The following CPPED1 variants were observed in gnomAD, a reference collection of about 807,000 sequenced individuals.
CPPED1 encodes the protein calcineurin like phosphoesterase domain containing 1.
In CPPED1, 28 loss-of-function variants were observed where a neutral mutation model predicts 28.0. The ratio of observed to expected loss-of-function variants is 1.00; its 90% CI spans 0.74 to 1.37. CPPED1 has a LOEUF of 1.37. Among genes scored for constraint, CPPED1 ranks in the 40% most tolerant of loss-of-function variants. The pLI, the probability that CPPED1 is intolerant of heterozygous loss-of-function variation, is 0.00. For synonymous variants in CPPED1, 198 were observed against 180.2 expected (o/e 1.10, Z -0.79); for missense variants, 504 against 416.5 (o/e 1.21, Z -1.83).
At chr16:12,775,699 T>C (rs2080493803) in intron 2 of CPPED1, among the ~76,000 whole-genome samples, 1 of 152,200 alleles carries the variant, frequency 6.6e-6, no homozygotes, top group Non-Finnish European at 1.5e-5. Flanking sequence ...GGGCACCACC[T>C]TCTGTCTGAC....
At chr16:12,796,835 T>C (rs2080630554) in intron 1 of CPPED1, among the ~76,000 whole-genome samples, 1 of 151,942 alleles carries the variant, frequency 6.6e-6, no homozygotes, top group Non-Finnish European at 1.5e-5. Flanking sequence ...GAAATGTCCA[T>C]CAGTGTCAAA....
At chr16:12,785,612 G>A (rs2080558192) in intron 1 of CPPED1, among the ~76,000 whole-genome samples, 2 of 152,088 alleles carry the variant, frequency 1.3e-5, no homozygotes, top group African/African-American at 4.8e-5. Flanking sequence ...AGTTTTAGTA[G>A]AGACGGGGTT....
intron 3 of CPPED1, among the ~76,000 whole-genome samples, chr16:12,695,041 G>C (rs753132926): frequency 1.6e-4 from 25 of 152,124 alleles, no homozygotes; most frequent in Admixed American, 3.3e-4. Flanking sequence ...CCCTCCCAAA[G>C]GACTGGTATT....
At chr16:12,754,797 G>A (rs1171725605) in intron 2 of CPPED1, among the ~76,000 whole-genome samples, 1 of 152,242 alleles carries the variant, frequency 6.6e-6, no homozygotes, top group Non-Finnish European at 1.5e-5. Context: ...CCAGGAGTTC[G>A]AGACCAGCCT....
chr16:12,731,667 GAGA>G lies in CPPED1; in HGVS notation c.290-26621_290-26619del, dbSNP rs201864135. On this transcript the variant is annotated intron_variant, in intron 2 of 3. Coordinates refer to ENST00000381774, the MANE Select transcript of CPPED1 (RefSeq NM_018340.3). Reference sequence around the variant, plus strand: ...TCACGCGATGGTGAAGGCCGTGGGCGAGAAGGCCTCCCTCCCCCGCATTTGTCA... The same window carrying G: ...TCACGCGATGGTGAAGGCCGTGGGCGAGGCCTCCCTCCCCCGCATTTGTCA... Among the ~76,000 whole-genome samples the G allele has an allele frequency of 6.9e-3, 1,047 of 151,566 alleles. 5 individuals carry two copies. Among genetic ancestry groups the G allele is most frequent in the Middle Eastern group, 0.034 (10 of 290 alleles).
chr16:12,677,167 C>G (rs905024708), intron 3 of CPPED1, among the ~76,000 whole-genome samples: 6 of 152,342 alleles, frequency 3.9e-5, no homozygotes, highest in African/African-American at 1.4e-4. Context: ...TTCTGACACC[C>G]AACATCAAGA....
intron 3 of CPPED1, among the ~76,000 whole-genome samples, chr16:12,669,452 T>A (rs1425713068): frequency 6.6e-6 from 1 of 152,156 alleles, no homozygotes; most frequent in African/African-American, 2.4e-5. Context: ...CTAAATTTGA[T>A]ACTTCAAAAG....
intron 2 of CPPED1, among the ~76,000 whole-genome samples, chr16:12,743,473 A>T (rs879739667): frequency 1.3e-5 from 2 of 152,230 alleles, no homozygotes; most frequent in Non-Finnish European, 1.5e-5. Flanking sequence ...GAAAATGGAC[A>T]AAGTGGACTA....
chr16:12,780,869 G>C, intron 2 of CPPED1: 1 of 302,966 alleles, frequency 3.3e-6, no homozygotes, highest in Non-Finnish European at 6.2e-6. Flanking sequence ...TATGGATATA[G>C]TGTCTGGAAG....
chr16:12,692,556 T>G (rs1032432377), intron 3 of CPPED1, among the ~76,000 whole-genome samples: 1 of 152,232 alleles, frequency 6.6e-6, no homozygotes, highest in African/African-American at 2.4e-5. Flanking sequence ...CATAGCTTTG[T>G]GATCTGAATG....
chr16:12,700,990 T>C (rs1427418703), intron 3 of CPPED1, among the ~76,000 whole-genome samples: 1 of 151,964 alleles, frequency 6.6e-6, no homozygotes, highest in African/African-American at 2.4e-5. Context: ...CACTTTGGGA[T>C]ACCCCGGCGG....
At chr16:12,751,568 C>T (rs547048661) in intron 2 of CPPED1, among the ~76,000 whole-genome samples, 10 of 152,286 alleles carry the variant, frequency 6.6e-5, no homozygotes, top group African/African-American at 2.4e-4. Context: ...CAGCCATACC[C>T]TAAAGATGAA....
intron 2 of CPPED1, among the ~76,000 whole-genome samples, chr16:12,762,142 G>T (rs1161772705): frequency 6.6e-6 from 1 of 152,200 alleles, no homozygotes; most frequent in African/African-American, 2.4e-5. Flanking sequence ...AGGACAGCCT[G>T]GGGTCTGCCC....
intron 2 of CPPED1, among the ~76,000 whole-genome samples, chr16:12,751,617 A>T (rs1388518295): frequency 1.3e-5 from 2 of 152,206 alleles, no homozygotes; most frequent in Admixed American, 6.5e-5. Flanking sequence ...CCAGGAACCC[A>T]TGTCTCCAAA....
chr16:12,665,161 A>G, intron 3 of CPPED1, 46 bp from the exon 4 acceptor site: 1 of 1,553,030 alleles, frequency 6.4e-7, no homozygotes, highest in Non-Finnish European at 8.7e-7. Flanking sequence ...GACTTCCATT[A>G]GGTAACCTAG....
intron 3 of CPPED1, among the ~76,000 whole-genome samples, chr16:12,695,288 A>G (rs2079984078): frequency 6.6e-6 from 1 of 152,092 alleles, no homozygotes; most frequent in Non-Finnish European, 1.5e-5. Context: ...TTTTTGAGAC[A>G]GGATCTTGCT....
intron 1 of CPPED1, among the ~76,000 whole-genome samples, chr16:12,802,276 T>A (rs1455275747): frequency 6.6e-6 from 1 of 152,110 alleles, no homozygotes; most frequent in Admixed American, 6.6e-5. Context: ...AAAATCTTCA[T>A]GTTGGACAAA....
intron 2 of CPPED1, among the ~76,000 whole-genome samples, chr16:12,773,298 G>A (rs1008861961): frequency 6.6e-6 from 1 of 152,168 alleles, no homozygotes; most frequent in Non-Finnish European, 1.5e-5. Flanking sequence ...CAAACTTAAA[G>A]CATTTCCCTT....
At chr16:12,762,320 G>A (rs1282547866) in intron 2 of CPPED1, among the ~76,000 whole-genome samples, 1 of 152,188 alleles carries the variant, frequency 6.6e-6, no homozygotes, top group Non-Finnish European at 1.5e-5. Context: ...ATTTAGTAAT[G>A]GAGGTAAAAA....
Sources: allele counts gnomAD v4.1 joint callset (sites outside exome capture counted in the v4.1 genomes callset), GRCh38; gene constraint gnomAD v4.1.1; transcripts MANE v1.5; gene names NCBI Gene and HGNC (gene_info 2026-07-23, HGNC 2026-07-21).